The following NRG3 variants were observed in gnomAD, a reference collection of about 807,000 sequenced individuals.
The protein encoded by NRG3 is neuregulin 3.
In NRG3, 31 loss-of-function variants were observed where a neutral mutation model predicts 66.9. The ratio of observed to expected loss-of-function variants is 0.46; its 90% confidence interval spans 0.35 to 0.63. NRG3 has a LOEUF of 0.63. NRG3 is among the 20% of genes least tolerant of loss of function. The pLI, the probability that NRG3 is intolerant of heterozygous loss-of-function variation, is 0.00. For missense variants in NRG3, 910 were observed against 878.9 expected, an observed-to-expected ratio of 1.04 and a Z score of -0.45; for synonymous variants, 393 against 359.4, an observed-to-expected ratio of 1.09 and a Z score of -1.06.
At chr10:82,929,336 T>C (rs7100790) in intron 4 of NRG3, among the ~76,000 whole-genome samples, 13,950 of 152,206 alleles carry the variant, frequency 0.092, 867 homozygotes, top group African/African-American at 0.16. Context: ...TATCTAAAAC[T>C]AGGCTGTCAT....
intron 1 of NRG3, among the ~76,000 whole-genome samples, chr10:82,078,541 A>G (rs948285186): frequency 4.3e-4 from 65 of 152,250 alleles, no homozygotes; most frequent in African/African-American, 1.3e-3. Context: ...TAGTAGAGAC[A>G]GGGTTTCACC....
chr10:82,708,648 AC>A, intron 2 of NRG3, among the ~76,000 whole-genome samples: 1 of 152,296 alleles, frequency 6.6e-6, no homozygotes, highest in African/African-American at 2.4e-5. Context: ...CTATATGTAT[AC>A]TTTTTATTTC....
intron 1 of NRG3, among the ~76,000 whole-genome samples, chr10:82,331,799 C>T (rs1209831436): frequency 2.0e-5 from 3 of 152,124 alleles, no homozygotes; most frequent in Admixed American, 6.6e-5. Flanking sequence ...TAAACATTTT[C>T]CAGTTTTGGA....
intron 2 of NRG3, among the ~76,000 whole-genome samples, chr10:82,485,261 G>A (rs979305009): frequency 5.3e-5 from 8 of 151,832 alleles, no homozygotes; most frequent in Non-Finnish European, 1.2e-4. Context: ...ATTCAAAGAT[G>A]AGCTGATTTT....
intron 3 of NRG3, among the ~76,000 whole-genome samples, chr10:82,851,857 A>G (rs2063576934): frequency 6.6e-6 from 1 of 152,220 alleles, no homozygotes; most frequent in Admixed American, 6.5e-5. Context: ...CACTTGGAGA[A>G]GATGGGCAAG....
rs115366607 is a variant in NRG3, at chr10:82,076,371, G to A, written c.823+200208G>A. Among the ~76,000 whole-genome samples the A allele has an allele frequency of 4.7e-3, 721 of 152,310 alleles. 7 individuals carry two copies. The highest frequency in any genetic ancestry group is 0.016 in the African/African-American group (666 of 41,564). ...ACCTTTACCAAGTACATTTCACTAT[G>A]ATTATTTTGGTGCTCATTATCCATT... On this transcript the variant is annotated intron_variant, in intron 1 of 8. Transcript: ENST00000372141.
intron 2 of NRG3, among the ~76,000 whole-genome samples, chr10:82,536,393 A>G (rs973518975): frequency 2.6e-5 from 4 of 152,164 alleles, no homozygotes; most frequent in African/African-American, 9.7e-5. Flanking sequence ...TAAGAATTAA[A>G]TTTGTTTTAC....
At chr10:82,895,462 A>C (rs1843560732) in intron 4 of NRG3, among the ~76,000 whole-genome samples, 1 of 151,766 alleles carries the variant, frequency 6.6e-6, no homozygotes, top group African/African-American at 2.4e-5. Context: ...AAAAAAATGA[A>C]AGACAATCCA....
intron 1 of NRG3, among the ~76,000 whole-genome samples, chr10:82,273,150 A>AT (rs1199676977): frequency 6.6e-6 from 1 of 151,714 alleles, no homozygotes; most frequent in African/African-American, 2.4e-5. Flanking sequence ...GTATCTACAT[A>AT]TTTTTTCAAG....
At chr10:81,877,301 C>G (rs1841758648) in intron 1 of NRG3, among the ~76,000 whole-genome samples, 1 of 152,126 alleles carries the variant, frequency 6.6e-6, no homozygotes, top group South Asian at 2.1e-4. Flanking sequence ...GATATGGGAA[C>G]AGTTTGTGCA....
intron 2 of NRG3, among the ~76,000 whole-genome samples, chr10:82,611,244 T>G (rs1016035068): frequency 6.6e-6 from 1 of 152,022 alleles, no homozygotes; most frequent in Non-Finnish European, 1.5e-5. Context: ...TTAAAATTAT[T>G]TTTTTATTTT....
chr10:82,721,940 GTT>G (rs1668670204), intron 2 of NRG3, among the ~76,000 whole-genome samples: 1 of 139,404 alleles, frequency 7.2e-6, no homozygotes, highest in Non-Finnish European at 1.5e-5. Flanking sequence ...ACCTTGCTTT[GTT>G]ACAAGAAAAA....
At chr10:82,839,922 CTCCAAT>C (rs1002144666) in intron 3 of NRG3, among the ~76,000 whole-genome samples, 2 of 152,032 alleles carry the variant, frequency 1.3e-5, no homozygotes, top group Non-Finnish European at 2.9e-5. Context: ...GTACAGATAT[CTCCAAT>C]TCCAATTCAG....
chr10:82,783,483 T>G (rs1357164734), intron 3 of NRG3, among the ~76,000 whole-genome samples: 1 of 151,766 alleles, frequency 6.6e-6, no homozygotes, highest in Non-Finnish European at 1.5e-5. Flanking sequence ...AAAATCTCCT[T>G]AAGCTGATAA....
chr10:82,148,393 G>T (rs1255317437), intron 1 of NRG3, among the ~76,000 whole-genome samples: 1 of 152,026 alleles, frequency 6.6e-6, no homozygotes, highest in Non-Finnish European at 1.5e-5. Flanking sequence ...CTAACCCATG[G>T]TTGATACTCT....
At chr10:82,457,177 T>C (rs1263619662) in intron 2 of NRG3, among the ~76,000 whole-genome samples, 2 of 152,194 alleles carry the variant, frequency 1.3e-5, no homozygotes, top group Non-Finnish European at 2.9e-5. Flanking sequence ...TGGTCTATTA[T>C]TAAGCCTCCA....
intron 2 of NRG3, among the ~76,000 whole-genome samples, chr10:82,725,529 G>A (rs111687142): frequency 5.9e-5 from 9 of 152,204 alleles, no homozygotes; most frequent in South Asian, 2.1e-4. Context: ...ACGGGATATC[G>A]TTATAGGAAA....
At chr10:82,021,786 A>ATG (rs71950373) in intron 1 of NRG3, among the ~76,000 whole-genome samples, 1,276 of 60,996 alleles carry the variant, frequency 0.021, 13 homozygotes, top group African/African-American at 0.045. Context: ...GGCATGTAGT[A>ATG]TGTGTGTGTG....
At chr10:82,438,536 C>A (rs2090264537) in intron 2 of NRG3, among the ~76,000 whole-genome samples, 1 of 152,216 alleles carries the variant, frequency 6.6e-6, no homozygotes. Context: ...ACCACTTAGA[C>A]AACAGGCAGC....
Sources: gnomAD v4.1 joint callset for allele counts (sites outside exome capture counted in the v4.1 genomes callset) on GRCh38, gnomAD v4.1.1 for gene constraint, MANE v1.5 for transcripts, NCBI Gene and HGNC (gene_info 2026-07-23, HGNC 2026-07-21) for gene names.